Variants in TNRC6B observed in about 807,000 individuals in gnomAD.
TNRC6B encodes trinucleotide repeat-containing gene 6B protein.
Under a neutral mutation model 203.6 loss-of-function variants are expected in TNRC6B, and 52 were observed. The ratio of observed to expected loss-of-function variants is 0.26; its 90% CI spans 0.20 to 0.32. The LOEUF (loss-of-function observed/expected upper bound fraction) is 0.32, where lower values mean the gene tolerates loss of function less well. Among genes scored for constraint, TNRC6B ranks in the 10% least tolerant of loss-of-function variants. The pLI, the probability that TNRC6B is intolerant of heterozygous loss-of-function variation, is 1.00. For missense variants in TNRC6B, 1,923 were observed against 2,286.2 expected, an observed-to-expected ratio of 0.84 and a Z score of 3.24; for synonymous variants, 838 against 845.7, an observed-to-expected ratio of 0.99 and a Z score of 0.16.
chr22:40,062,203 T>G (rs1488082042), intron 1 of TNRC6B, among the ~76,000 whole-genome samples: 2 of 152,208 alleles, frequency 1.3e-5, no homozygotes, highest in African/African-American at 4.8e-5. Flanking sequence ...AATTTTACTT[T>G]ATTTATTTAT....
At chr22:40,139,998 A>G (rs988796533) in intron 3 of TNRC6B, among the ~76,000 whole-genome samples, 5 of 152,200 alleles carry the variant, frequency 3.3e-5, no homozygotes, top group African/African-American at 1.2e-4. Context: ...TCCGCCTCAA[A>G]TTAAGTTTTG....
chr22:40,170,331 TTATA>T (rs1218579661), intron 4 of TNRC6B, among the ~76,000 whole-genome samples: 1,217 of 99,332 alleles, frequency 0.012, 70 homozygotes, highest in African/African-American at 0.05. Context: ...ATTATATATA[TTATA>T]TATAGTTTAT....
At chr22:40,292,352 CAAAAA>C (rs3044498) in intron 12 of TNRC6B, among the ~76,000 whole-genome samples, 19 of 100,836 alleles carry the variant, frequency 1.9e-4, no homozygotes, top group African/African-American at 8.1e-4. Context: ...GACTCCATCT[CAAAAA>C]AAAAAAAAAA....
At chr22:40,178,805 T>C (rs1197581453) in intron 1 of TNRC6B, among the ~76,000 whole-genome samples, 1 of 152,190 alleles carries the variant, frequency 6.6e-6, no homozygotes, top group Non-Finnish European at 1.5e-5. Flanking sequence ...TCTCTGTGTG[T>C]GTTCTCAAAT....
intron 1 of TNRC6B, among the ~76,000 whole-genome samples, chr22:40,060,787 A>G (rs770479056): frequency 6.6e-6 from 1 of 152,226 alleles, no homozygotes; most frequent in Non-Finnish European, 1.5e-5. Flanking sequence ...ACAAGTTGTA[A>G]CAATATGTGT....
intron 15 of TNRC6B, among the ~76,000 whole-genome samples, chr22:40,305,016 T>G (rs912725431): frequency 1.3e-5 from 2 of 152,178 alleles, no homozygotes; most frequent in African/African-American, 4.8e-5. Flanking sequence ...AAAACAGAAC[T>G]GTAAACAGAG....
At chr22:40,214,138 G>A (rs553387507) in intron 1 of TNRC6B, among the ~76,000 whole-genome samples, 19 of 152,144 alleles carry the variant, frequency 1.2e-4, no homozygotes, top group East Asian at 3.9e-4. Context: ...GTGGTGGTGC[G>A]CACCTGTAGC....
chr22:40,283,075 G>A (rs1796617840), intron 11 of TNRC6B, among the ~76,000 whole-genome samples: 1 of 150,686 alleles, frequency 6.6e-6, no homozygotes. Flanking sequence ...TGCCTCTGTC[G>A]CCCAGGCTGG....
chr22:40,143,847 C>G (rs978728552), intron 3 of TNRC6B, among the ~76,000 whole-genome samples: 5 of 152,154 alleles, frequency 3.3e-5, no homozygotes, highest in African/African-American at 1.2e-4. Flanking sequence ...TAATAAAAGT[C>G]TCATGTCCAG....
rs1027695493 is a variant in TNRC6B, at chr22:40,329,386, A to G, written c.*6145A>G. 4 of 152,182 alleles carry G rather than the reference A, an allele frequency of 2.6e-5. No individual in the cohort carries two copies. Among genetic ancestry groups the G allele is most frequent in the Admixed American group, 6.5e-5 (1 of 15,284 alleles). The allele number at this position is 152,182 out of a possible 1,614,324, so 9.4% of individuals were successfully genotyped here. On this transcript the variant is annotated 3_prime_UTR_variant, in exon 23 of 23. Transcript: ENST00000454349. Reference sequence around the variant, plus strand: ...GTCTGTGGGTTTGTGGCCAGCGCCAAAGGTGTGTGTATTTTCAGAAATGGT... The same window carrying G: ...GTCTGTGGGTTTGTGGCCAGCGCCAGAGGTGTGTGTATTTTCAGAAATGGT...
intron 19 of TNRC6B, among the ~76,000 whole-genome samples, chr22:40,314,764 C>T (rs546551046): frequency 3.0e-4 from 46 of 152,234 alleles, no homozygotes; most frequent in African/African-American, 1.0e-3. Flanking sequence ...GATTTCGTGC[C>T]GTATGCATAG....
At chr22:40,300,861 A>G (rs1217438363) in intron 13 of TNRC6B, 49 bp from the exon 14 acceptor site, 1 of 1,567,406 alleles carries the variant, frequency 6.4e-7, no homozygotes, top group South Asian at 1.2e-5. Flanking sequence ...TCCTCAGTAA[A>G]TCAATCTCAG....
In TNRC6B at chr22:40,103,013, G is replaced by A. The variant is rs182868330; in HGVS notation, c.-120-14042G>A. On this transcript the variant is annotated intron_variant, in intron 1 of 23. Transcript: ENST00000301923. ...AATCGCTTGAACCAGGGAGTTGGAGGTTGCAGTGAGCCAAGATCGCACCAT... is the reference window on the plus strand; with the variant it reads ...AATCGCTTGAACCAGGGAGTTGGAGATTGCAGTGAGCCAAGATCGCACCAT... 7.0e-4 allele frequency among the ~76,000 whole-genome samples: 107 copies of A among 152,180 alleles called. 1 individual carries two copies. The highest frequency in any genetic ancestry group is 1.8e-3 in the Admixed American group (28 of 15,296).
chr22:40,198,671 C>A (rs1024388790), intron 1 of TNRC6B, among the ~76,000 whole-genome samples: 6 of 152,110 alleles, frequency 3.9e-5, no homozygotes, highest in Admixed American at 1.3e-4. Context: ...GGAAAGGAGA[C>A]AGCTAGAATT....
At chr22:40,257,290 G>A (rs975934366) in intron 3 of TNRC6B, among the ~76,000 whole-genome samples, 2 of 152,288 alleles carry the variant, frequency 1.3e-5, no homozygotes, top group Admixed American at 1.3e-4. Context: ...TGAAAAAGTA[G>A]CATCTAATTG....
At chr22:40,312,353 A>T (rs2071195810) in intron 17 of TNRC6B, among the ~76,000 whole-genome samples, 152 bp from the exon 18 acceptor site, 1 of 151,666 alleles carries the variant, frequency 6.6e-6, no homozygotes, top group Non-Finnish European at 1.5e-5. Context: ...GTTCATGGTG[A>T]TTTTTTTTTC....
intron 1 of TNRC6B, among the ~76,000 whole-genome samples, chr22:40,192,167 T>C (rs1258733582): frequency 6.6e-6 from 1 of 152,264 alleles, no homozygotes; most frequent in African/African-American, 2.4e-5. Context: ...TGAGCAACTA[T>C]GCCTGGCCCA....
Position 40,315,440 on chromosome 22 carries a change from T to C in TNRC6B, c.4836T>C (p.Ser1612=). The C allele has an allele frequency of 6.2e-7, 1 of 1,613,800 alleles. No individual in the cohort carries two copies. The highest frequency in any genetic ancestry group is 8.5e-7 in the Non-Finnish European group (1 of 1,179,858). ...GTCTGACCAACCCCAAACCATCATC[T>C]CCCTGGAGCAGCACAGCACCCCGAT... ...PPGLTNPKPS[S]PWSSTAPRSV... The change falls in exon 20 of 23, where the codon TCT becomes TCC. Residue 1612 remains serine (S), a synonymous_variant. Transcript: ENST00000454349.
intron 4 of TNRC6B, among the ~76,000 whole-genome samples, chr22:40,164,783 T>G (rs1205460687): frequency 3.5e-5 from 5 of 143,952 alleles, no homozygotes; most frequent in East Asian, 2.0e-4. Context: ...AAAAAAGTTT[T>G]TTTTTTTTTT....
Sources: allele counts gnomAD v4.1 joint callset (sites outside exome capture counted in the v4.1 genomes callset), GRCh38; gene constraint gnomAD v4.1.1; transcripts MANE v1.5; gene names NCBI Gene and HGNC (gene_info 2026-07-23, HGNC 2026-07-21).